The following ERBB2 variants were observed in gnomAD, a reference collection of about 807,000 sequenced individuals.
ERBB2 encodes the protein receptor tyrosine-protein kinase erbB-2.
In ERBB2, 61 loss-of-function variants were observed where a neutral mutation model predicts 149.0. The observed-to-expected ratio is 0.41, with a 90% CI of 0.33 to 0.51. The LOEUF (loss-of-function observed/expected upper bound fraction) is 0.51. Ranked by LOEUF, ERBB2 falls within the 20% of genes least tolerant of loss-of-function variation. The pLI, the probability that ERBB2 is intolerant of heterozygous loss-of-function variation, is 0.25. For missense variants in ERBB2, 1,205 were observed against 1,655.1 expected (o/e 0.73, Z 4.72); for synonymous variants, 633 against 678.8 (o/e 0.93, Z 1.05).
intron 14 of ERBB2, 75 bp downstream of exon 14, chr17:39,716,680 G>A (rs1326591240): frequency 2.3e-5 from 30 of 1,300,220 alleles, no homozygotes; most frequent in South Asian, 3.7e-5. Flanking sequence ...GCAGGATGGC[G>A]AGATGCAGTA....
At position 39,726,358 on chromosome 17, in the gene ERBB2, G is replaced by GAA; in HGVS notation, c.2873-195_2873-194dup. On this transcript the variant is annotated intron_variant, in intron 23 of 26. Coordinates refer to ENST00000269571, the MANE Select transcript of ERBB2 (RefSeq NM_004448.4). This position sits in a 1 kb window ranked among gnomAD's most constrained non-coding sequence, Gnocchi z 5.1. The stretch of plus-strand genomic sequence containing the variant: ...AAAAAAATAAAAAAGCAAACAAAAA[G>GAA]AAAAAAAAAATTAAAAGGGAAACTA... 1.1e-5 allele frequency: 6 copies of GAA among 539,024 alleles called. No homozygotes were observed. Among genetic ancestry groups the GAA allele is most frequent in the Non-Finnish European group, 1.0e-5 (3 of 301,284 alleles). 33.4% of individuals were successfully genotyped at this position (539,024 alleles called of 1,614,324 possible).
At chr17:39,691,289 A>G (rs1263744848), upstream of ERBB2, among the ~76,000 whole-genome samples, 1 of 152,004 alleles carries the variant, frequency 6.6e-6, no homozygotes, top group Non-Finnish European at 1.5e-5. Context: ...CACATCTGTA[A>G]TCCCAGCACT....
rs2145631854 is a variant in ERBB2 at position 39,715,325 on chromosome 17, G to A, written c.1188G>A (p.Gln396=). The part of the protein sequence containing the change: ...ASNTAPLQPE[Q]LQVFETLEEI... The stretch of plus-strand genomic sequence containing the variant: ...ACACTGCCCCGCTCCAGCCAGAGCA[G>A]CTCCAAGTGTTTGAGACTCTGGAAG... The change falls in exon 10 of 27, where the codon CAG becomes CAA. Residue 396 remains glutamine (Q), a synonymous_variant. Transcript: ENST00000269571. 1 of 1,614,044 alleles carries A rather than the reference G, an allele frequency of 6.2e-7. No individual in the cohort carries two copies. Among genetic ancestry groups the A allele is most frequent in the South Asian group, 1.1e-5 (1 of 91,068 alleles).
intron 9 of ERBB2, among the ~76,000 whole-genome samples, chr17:39,714,592 G>A (rs1279404493): frequency 6.6e-6 from 1 of 152,122 alleles, no homozygotes; most frequent in East Asian, 1.9e-4. Flanking sequence ...GCTCCTAAAT[G>A]TTGGTTTTTA....
At chr17:39,692,262 A>C (rs2057729127), upstream of ERBB2, among the ~76,000 whole-genome samples, 1 of 152,254 alleles carries the variant, frequency 6.6e-6, no homozygotes, top group Middle Eastern at 3.4e-3. Flanking sequence ...TGTGAAGAAA[A>C]ATAAGGGTAC....
intron 19 of ERBB2, 100 bp downstream of exon 19, chr17:39,724,110 C>T: frequency 1.3e-6 from 1 of 785,108 alleles, no homozygotes; most frequent in Non-Finnish European, 2.0e-6. Flanking sequence ...GGAGATATGA[C>T]TCCCGCAAAC....
intron 2 of ERBB2, among the ~76,000 whole-genome samples, chr17:39,689,293 A>C (rs2057638821): frequency 1.3e-5 from 2 of 152,138 alleles, no homozygotes; most frequent in African/African-American, 4.8e-5. Context: ...TTTTCTGTGA[A>C]TGGCAAATTC....
upstream of ERBB2, among the ~76,000 whole-genome samples, chr17:39,691,417 G>A (rs1013911930): frequency 2.6e-4 from 39 of 151,838 alleles, no homozygotes; most frequent in African/African-American, 9.4e-4. Context: ...GGTGGCACGT[G>A]CCTGTAATCC....
chr17:39,719,823 GC>G lies in ERBB2; in HGVS notation c.1936del (p.Gln646ArgfsTer6). 1 of 1,614,174 alleles carries G rather than the reference GC, an allele frequency of 6.2e-7. No individual in the cohort carries two copies. Among genetic ancestry groups the G allele is most frequent in the Non-Finnish European group, 8.5e-7 (1 of 1,180,010 alleles). On this transcript the variant is annotated frameshift_variant, in exon 16 of 27. Coordinates refer to ENST00000269571, the MANE Select transcript of ERBB2 (RefSeq NM_004448.4). LOFTEE classifies it high-confidence loss of function. The part of the protein sequence containing the change: ...DLDDKGCPAE[Q>X]RASPLTSIIS... ...TGGATGACAAGGGCTGCCCCGCCGA[GC>G]AGAGAGCCAGGTTGGCCTGGACCCC...
chr17:39,709,502 A>G, intron 4 of ERBB2, 50 bp downstream of exon 4: 2 of 1,606,924 alleles, frequency 1.2e-6, no homozygotes, highest in African/African-American at 1.3e-5. Context: ...GCCTGACCCC[A>G]GCCGCAAACT....
Position 39,726,845 on chromosome 17 carries a change from G to T in ERBB2, c.3001G>T (p.Asp1001Tyr), listed in dbSNP as rs746213900. ...NEDLGPASPL[D>Y]STFYRSLLED... ...GGACTTGGGCCCAGCCAGTCCCTTG[G>T]ACAGCACCTTCTACCGCTCACTGCT... The change falls in exon 25 of 27, where the codon GAC becomes TAC. Residue 1001 changes from aspartate (D) to tyrosine (Y), a missense_variant. By Grantham distance (160) the Asp-to-Tyr change is radical. Around this residue, in one of 6 missense-constraint regions of ERBB2, gnomAD observed 312 missense variants for 343.8 expected, o/e 0.91. Coordinates refer to ENST00000269571, the MANE Select transcript of ERBB2 (RefSeq NM_004448.4). This position sits in a 1 kb window ranked among gnomAD's most constrained non-coding sequence, Gnocchi z 5.1. 8.1e-6 allele frequency: 13 copies of T among 1,613,206 alleles called. No homozygotes were observed. The South Asian group carries it at 1.4e-4, about 18-fold the overall frequency.
At position 39,712,045 on chromosome 17, in the gene ERBB2, G is replaced by C. The variant is rs532077147; in HGVS notation, c.1019G>C (p.Arg340Pro). 1 of 1,613,716 alleles carries C rather than the reference G, an allele frequency of 6.2e-7. No individual in the cohort carries two copies. Among genetic ancestry groups the C allele is most frequent in the Admixed American group, 1.7e-5 (1 of 59,998 alleles). Reference protein sequence around the residue: ...RCEKCSKPCARVCYGLGMEHL... With the variant: ...RCEKCSKPCAPVCYGLGMEHL... ...GAGAAGTGCAGCAAGCCCTGTGCCC[G>C]AGGTACCCACTCACTGCCCCCGAGG... Residue 340 changes from arginine (R) to proline (P), a missense_variant and splice_region_variant, in exon 8 of 27, where the codon CGA (arginine) becomes CCA (proline). Arg to Pro is a moderately radical substitution (Grantham distance 103). Around this residue, in one of 6 missense-constraint regions of ERBB2, gnomAD observed 569 missense variants for 803.5 expected, o/e 0.71. Transcript: ENST00000269571.
upstream of ERBB2, chr17:39,699,454 T>C (rs1459908285): frequency 2.5e-6 from 3 of 1,194,504 alleles, no homozygotes; most frequent in Non-Finnish European, 3.5e-6. Flanking sequence ...AGAGCAAAAG[T>C]TCGTTTAAAA....
chr17:39,702,400 C>T (rs1344780067), intron 1 of ERBB2, among the ~76,000 whole-genome samples: 1 of 152,250 alleles, frequency 6.6e-6, no homozygotes, highest in East Asian at 1.9e-4. Context: ...TAGGGGGAGC[C>T]CCAGAGGGGT....
rs2145652509 is a variant in ERBB2, at chr17:39,715,779, C to T, written c.1353C>T (p.Ser451=). The change falls in exon 12 of 27, where the codon AGC becomes AGT. Residue 451 remains serine (S), a synonymous_variant. Coordinates refer to ENST00000269571, the MANE Select transcript of ERBB2 (RefSeq NM_004448.4). Reference sequence around the variant, plus strand: ...TGACCCTGCAAGGGCTGGGCATCAGCTGGCTGGGGCTGCGCTCACTGAGGG... The same window carrying T: ...TGACCCTGCAAGGGCTGGGCATCAGTTGGCTGGGGCTGCGCTCACTGAGGG... ...YSLTLQGLGI[S]WLGLRSLREL... 2.5e-6 allele frequency: 4 copies of T among 1,608,720 alleles called. No individual in the cohort carries two copies. The highest frequency in any genetic ancestry group is 3.4e-6 in the Non-Finnish European group (4 of 1,180,018).
Position 39,709,471 on chromosome 17 carries a change from T to C in ERBB2, c.574+19T>C, listed in dbSNP as rs201652835. The stretch of plus-strand genomic sequence containing the variant: ...CGGGCCTGTAAGCCATGCCCCTCCC[T>C]GCTGCCTCTTCTCTCAGACAGCCTG... On this transcript the variant is annotated intron_variant, in intron 4 of 26. Transcript: ENST00000269571. 3.1e-6 allele frequency: 5 copies of C among 1,613,710 alleles called. No individual in the cohort carries two copies. In the African/African-American group the frequency reaches 6.7e-5, roughly 22 times the overall value.
intron 1 of ERBB2, 135 bp downstream of exon 1, chr17:39,700,446 C>T (rs2058027034): frequency 1.4e-6 from 1 of 718,792 alleles, no homozygotes; most frequent in African/African-American, 1.8e-5. Flanking sequence ...ACAGTCGAGA[C>T]GCTCAGGGCA....
upstream of ERBB2, among the ~76,000 whole-genome samples, chr17:39,690,981 T>G (rs906638332): frequency 3.5e-4 from 51 of 144,662 alleles, no homozygotes; most frequent in African/African-American, 1.2e-3. Context: ...ATGGAGAAAC[T>G]CCTGAGATCG....
upstream of ERBB2, among the ~76,000 whole-genome samples, chr17:39,697,192 C>T (rs1478018706): frequency 6.6e-6 from 1 of 152,088 alleles, no homozygotes; most frequent in African/African-American, 2.4e-5. Flanking sequence ...ATATTGATGG[C>T]CATCCAGAAG....
Sources: allele counts gnomAD v4.1 joint callset (sites outside exome capture counted in the v4.1 genomes callset), GRCh38; gene constraint gnomAD v4.1.1; regional missense constraint gnomAD v4.1.1; non-coding constraint Gnocchi (gnomAD v3.1); transcripts MANE v1.5; gene names NCBI Gene and HGNC (gene_info 2026-07-23, HGNC 2026-07-21).